Variants in RNF115 observed in about 807,000 individuals in gnomAD.
RNF115 encodes E3 ubiquitin-protein ligase RNF115.
In RNF115, 31 loss-of-function variants were observed where a neutral mutation model predicts 39.2. That is an observed-to-expected ratio of 0.79 (90% CI 0.59 to 1.07). The LOEUF is 1.07. Among genes scored for constraint, RNF115 ranks in the 50% least tolerant of loss-of-function variants. The pLI is 0.00. For missense variants in RNF115, 384 were observed against 381.7 expected, an observed-to-expected ratio of 1.01 and a Z score of -0.05; for synonymous variants, 124 against 131.0, an observed-to-expected ratio of 0.95 and a Z score of 0.37.
intron 1 of RNF115, among the ~76,000 whole-genome samples, chr1:145,816,955 A>T (rs1650020109): frequency 1.2e-5 from 1 of 82,252 alleles, no homozygotes; most frequent in Admixed American, 1.4e-4. Context: ...TTTTTTGTTG[A>T]GACAGGGTCT....
chr1:145,784,259 T>C (rs587619188), intron 3 of RNF115, among the ~76,000 whole-genome samples: 1 of 152,312 alleles, frequency 6.6e-6, no homozygotes, highest in Non-Finnish European at 1.5e-5. Context: ...ACACTGTATA[T>C]ACAATAACAA....
chr1:145,759,923 C>G (rs1658437825), intron 4 of RNF115, among the ~76,000 whole-genome samples: 1 of 152,144 alleles, frequency 6.6e-6, no homozygotes, highest in African/African-American at 2.4e-5. Context: ...TGACTATGCT[C>G]TTTTTGAAAC....
At chr1:145,759,703 T>C (rs1571716412) in intron 4 of RNF115, among the ~76,000 whole-genome samples, 1 of 152,296 alleles carries the variant, frequency 6.6e-6, no homozygotes, top group African/African-American at 2.4e-5. Flanking sequence ...TTTCAAGATA[T>C]AAATGACACC....
At chr1:145,757,946 C>T (rs888421508) in intron 4 of RNF115, among the ~76,000 whole-genome samples, 9 of 152,146 alleles carry the variant, frequency 5.9e-5, no homozygotes, top group Admixed American at 3.3e-4. Flanking sequence ...CAAGCTGATG[C>T]TATAGAAGAA....
chr1:145,796,914 A>C (rs1388675702), intron 1 of RNF115, among the ~76,000 whole-genome samples: 1 of 152,158 alleles, frequency 6.6e-6, no homozygotes, highest in Non-Finnish European at 1.5e-5. Flanking sequence ...CATAGAACTG[A>C]CCATTATAGT....
chr1:145,798,952 C>G (rs1649101293), intron 1 of RNF115, among the ~76,000 whole-genome samples: 1 of 151,988 alleles, frequency 6.6e-6, no homozygotes, highest in Non-Finnish European at 1.5e-5. Flanking sequence ...CTTAATTTTT[C>G]AAGTTGTTCA....
chr1:145,743,707 G>A lies in RNF115; in HGVS notation c.*3159C>T, dbSNP rs1272553157. ...AAGGCAGAAGAATCGCTGGAACCCA[G>A]GAGGTGGAGGTTGCAGTGAGCTGAG... is the stretch of plus-strand genomic sequence containing the variant. On this transcript the variant is annotated 3_prime_UTR_variant, in exon 9 of 9. Coordinates refer to ENST00000582693, the MANE Select transcript of RNF115 (RefSeq NM_014455.4). 2 of 151,766 alleles carry A rather than the reference G, an allele frequency of 1.3e-5. No individual in the cohort carries two copies. Among genetic ancestry groups the A allele is most frequent in the Non-Finnish European group, 2.9e-5 (2 of 68,010 alleles). 9.4% of individuals were successfully genotyped at this position (151,766 alleles called of 1,614,324 possible). A position where few individuals can be genotyped will look rare whatever the true frequency, so the allele number is the denominator to read the frequency against.
chr1:145,809,462 T>G (rs1649602290), intron 1 of RNF115, among the ~76,000 whole-genome samples: 2 of 145,944 alleles, frequency 1.4e-5, no homozygotes, highest in African/African-American at 5.0e-5. Context: ...ATTATAGGTG[T>G]GCGCCACTGC....
intron 4 of RNF115, among the ~76,000 whole-genome samples, chr1:145,761,819 G>A (rs1024818439): frequency 4.6e-5 from 7 of 152,160 alleles, no homozygotes; most frequent in Non-Finnish European, 5.9e-5. Flanking sequence ...GCACCAATGC[G>A]CCTGGAAAAG....
In RNF115 at chr1:145,746,931, T is replaced by C. The variant is rs373826562; in HGVS notation, c.850A>G (p.Thr284Ala). 11 of 1,613,950 alleles carry C rather than the reference T, an allele frequency of 6.8e-6. No homozygotes were observed. Among genetic ancestry groups the C allele is most frequent in the African/African-American group, 1.3e-5 (1 of 74,932 alleles). ...AATCTGTTGCTTGCAGAGGCCTCAGTGCTCTGGCTTTGCCGAGTAGAGTCC... is the reference window on the plus strand; with the variant it reads ...AATCTGTTGCTTGCAGAGGCCTCAGCGCTCTGGCTTTGCCGAGTAGAGTCC... ...GEDSTRQSQSTEASASNRFSN... is the reference protein window; with the variant it reads ...GEDSTRQSQSAEASASNRFSN... The change falls in exon 9 of 9, where the codon ACT becomes GCT. Residue 284 changes from threonine (T) to alanine (A), a missense_variant. Thr to Ala is a moderately conservative substitution (Grantham distance 58). Coordinates refer to ENST00000582693, the MANE Select transcript of RNF115 (RefSeq NM_014455.4).
At chr1:145,751,898 C>T (rs1419223993) in intron 5 of RNF115, among the ~76,000 whole-genome samples, 2 of 152,152 alleles carry the variant, frequency 1.3e-5, no homozygotes, top group Non-Finnish European at 2.9e-5. Flanking sequence ...CTACAGCAAA[C>T]ATCCCTCATT....
chr1:145,801,205 G>T lies in RNF115; in HGVS notation c.103-12239C>A, dbSNP rs587598647. On this transcript the variant is annotated intron_variant, in intron 1 of 8. Transcript: ENST00000582693. Reference sequence around the variant, plus strand: ...TCAAAAAAAAAGAAAAAGAAAAGGAGCTTTAAACCTTGGTCTTTCTTGAAT... The same window carrying T: ...TCAAAAAAAAAGAAAAAGAAAAGGATCTTTAAACCTTGGTCTTTCTTGAAT... 2.6e-5 allele frequency among the ~76,000 whole-genome samples: 4 copies of T among 152,192 alleles called. No homozygotes were observed. In the South Asian group the frequency reaches 8.3e-4, roughly 32 times the overall value.
intron 2 of RNF115, among the ~76,000 whole-genome samples, chr1:145,784,867 G>C (rs1270574427): frequency 1.3e-5 from 2 of 152,128 alleles, no homozygotes; most frequent in Non-Finnish European, 2.9e-5. Context: ...CCCACAGGCA[G>C]CAATGCAATT....
intron 5 of RNF115, among the ~76,000 whole-genome samples, chr1:145,752,712 C>G (rs587774578): frequency 6.6e-6 from 1 of 150,830 alleles, no homozygotes; most frequent in African/African-American, 2.4e-5. Context: ...CCTCAGCCTC[C>G]GAGTAGCTGG....
chr1:145,783,691 C>A (rs1196861448), intron 3 of RNF115, among the ~76,000 whole-genome samples: 3 of 151,994 alleles, frequency 2.0e-5, no homozygotes, highest in Non-Finnish European at 4.4e-5. Context: ...GGTACACATA[C>A]AAACAAGCAA....
intron 4 of RNF115, among the ~76,000 whole-genome samples, chr1:145,760,449 A>G (rs1416909119): frequency 1.3e-5 from 2 of 152,174 alleles, no homozygotes; most frequent in Non-Finnish European, 2.9e-5. Context: ...GAATTCCCAC[A>G]TGCTGTGAGA....
intron 1 of RNF115, among the ~76,000 whole-genome samples, chr1:145,819,414 T>C (rs1338251868): frequency 6.6e-6 from 1 of 151,528 alleles, no homozygotes; most frequent in East Asian, 1.9e-4. Flanking sequence ...ATCATGCCAC[T>C]GAACTCCAGT....
intron 1 of RNF115, among the ~76,000 whole-genome samples, chr1:145,795,045 T>C (rs976872612): frequency 6.8e-6 from 1 of 147,756 alleles, no homozygotes; most frequent in Non-Finnish European, 1.5e-5. Flanking sequence ...AAAGATAGTG[T>C]GTCCGGAGTT....
In RNF115 at chr1:145,752,585, C is replaced by CT. The variant is rs60257682; in HGVS notation, c.500+392dup. Among the ~76,000 whole-genome samples, 91 of 83,740 alleles carry CT rather than the reference C, an allele frequency of 1.1e-3. 3 individuals are homozygous for CT. The highest frequency in any genetic ancestry group is 2.7e-3 in the South Asian group (6 of 2,198). The allele number at this position is 83,740 out of a possible 152,430, so 54.9% of individuals were successfully genotyped here. On this transcript the variant is annotated intron_variant, in intron 5 of 8. Coordinates refer to ENST00000582693, the MANE Select transcript of RNF115 (RefSeq NM_014455.4). ...CATCTACATACTCACCTATGCAGCT[C>CT]TTTTTTTTTTTTTTTTTTTTTGAGA...
Sources: gnomAD v4.1 joint callset for allele counts (sites outside exome capture counted in the v4.1 genomes callset) on GRCh38, gnomAD v4.1.1 for gene constraint, MANE v1.5 for transcripts, NCBI Gene and HGNC (gene_info 2026-07-23, HGNC 2026-07-21) for gene names.